Variants in MYO16 observed in about 807,000 individuals in gnomAD.
The protein encoded by MYO16 is myosin XVI.
A neutral mutation model predicts 205.3 loss-of-function variants in MYO16; 94 were observed. The observed-to-expected ratio is 0.46, with a 90% CI of 0.39 to 0.54. The LOEUF is 0.54. Ranked by LOEUF, MYO16 falls within the 20% of genes least tolerant of loss-of-function variation. MYO16 has a pLI of 0.00. For synonymous variants in MYO16, 988 were observed against 954.0 expected (o/e 1.04, Z -0.66); for missense variants, 2,315 against 2,387.5 (o/e 0.97, Z 0.63).
chr13:108,780,960 C>T (rs569561737), intron 4 of MYO16, among the ~76,000 whole-genome samples: 5 of 152,318 alleles, frequency 3.3e-5, no homozygotes, highest in South Asian at 2.1e-4. Flanking sequence ...TTCAGCCCCA[C>T]GCTTCAGGTG....
At position 108,952,729 on chromosome 13, in the gene MYO16, C is replaced by A. The variant is rs187643681; in HGVS notation, c.1926-4959C>A. Among the ~76,000 whole-genome samples the A allele has an allele frequency of 1.4e-3, 208 of 152,326 alleles. 1 individual carries two copies. Among genetic ancestry groups the A allele is most frequent in the African/African-American group, 4.8e-3 (200 of 41,572 alleles). On this transcript the variant is annotated intron_variant, in intron 16 of 34. Coordinates refer to ENST00000457511, the MANE Select transcript of MYO16 (RefSeq NM_001198950.3). ...ACAGCAATTACTCTTCACAAATGCTCTCTGAAATTTCTGACTCTGCACATG... is the reference window on the plus strand; with the variant it reads ...ACAGCAATTACTCTTCACAAATGCTATCTGAAATTTCTGACTCTGCACATG...
chr13:108,879,510 C>T (rs1454161515), intron 12 of MYO16, among the ~76,000 whole-genome samples: 1 of 152,134 alleles, frequency 6.6e-6, no homozygotes, highest in Non-Finnish European at 1.5e-5. Flanking sequence ...TATCCCTCCC[C>T]ACTCCCCCAA....
chr13:109,204,341 T>C (rs558174347), intron 34 of MYO16, among the ~76,000 whole-genome samples: 1 of 152,330 alleles, frequency 6.6e-6, no homozygotes, highest in South Asian at 2.1e-4. Flanking sequence ...TCTGGTGACA[T>C]TGTTTTCAGA....
At chr13:108,805,689 G>A (rs1887091130) in intron 6 of MYO16, among the ~76,000 whole-genome samples, 1 of 151,774 alleles carries the variant, frequency 6.6e-6, no homozygotes, top group African/African-American at 2.4e-5. Context: ...TTAGAAACAG[G>A]AATTCCCTCA....
chr13:108,500,657 T>C, the MYO16 span, among the ~76,000 whole-genome samples: 2 of 152,198 alleles, frequency 1.3e-5, no homozygotes, highest in African/African-American at 4.8e-5. Context: ...ATGAGTCTTC[T>C]TTATTCTGAC....
At chr13:108,980,749 T>A (rs185550421) in intron 20 of MYO16, among the ~76,000 whole-genome samples, 67 of 152,328 alleles carry the variant, frequency 4.4e-4, no homozygotes, top group African/African-American at 1.3e-3. Flanking sequence ...AAGCCTGGCA[T>A]CTTTATGTGT....
At chr13:108,697,638 T>C (rs953451194) in intron 2 of MYO16, among the ~76,000 whole-genome samples, 1 of 152,240 alleles carries the variant, frequency 6.6e-6, no homozygotes, top group Non-Finnish European at 1.5e-5. Flanking sequence ...TCAATTTGTA[T>C]GATTTTACTT....
intron 34 of MYO16, among the ~76,000 whole-genome samples, chr13:109,202,006 A>G (rs1350644625): frequency 6.6e-6 from 1 of 151,976 alleles, no homozygotes; most frequent in African/African-American, 2.4e-5. Flanking sequence ...TCTATACATC[A>G]TACATATCAT....
intron 5 of MYO16, among the ~76,000 whole-genome samples, chr13:108,786,619 T>A (rs1019863): frequency 0.32 from 48,808 of 152,110 alleles, 8,124 homozygotes; most frequent in African/African-American, 0.39. Context: ...AGATTGCTTT[T>A]ATGAAAAAGG....
intron 1 of MYO16, among the ~76,000 whole-genome samples, chr13:108,645,337 T>C (rs183647016): frequency 6.6e-6 from 1 of 152,344 alleles, no homozygotes; most frequent in Admixed American, 6.5e-5. Context: ...AATGAAGTCA[T>C]GTTTCAGCAG....
chr13:108,983,427 T>A (rs899390235), intron 20 of MYO16, among the ~76,000 whole-genome samples: 30 of 152,156 alleles, frequency 2.0e-4, no homozygotes, highest in African/African-American at 7.0e-4. Flanking sequence ...GTGCCTGTTG[T>A]CCAAAAAAGA....
At chr13:108,741,681 G>A (rs961754716) in intron 4 of MYO16, among the ~76,000 whole-genome samples, 11 of 152,160 alleles carry the variant, frequency 7.2e-5, no homozygotes, top group African/African-American at 2.7e-4. Context: ...TACCAAGTAA[G>A]TAAATCTGCA....
rs139793129 is a variant in MYO16, at chr13:108,685,426, G to A, written c.292+19277G>A. Among the ~76,000 whole-genome samples, 139 of 152,250 alleles carry A rather than the reference G, an allele frequency of 9.1e-4. No homozygotes were observed. The Middle Eastern group carries it at 0.014, about 15-fold the overall frequency. ...GTCTTGTGGGACTGAGCCCTTACCTGTGTATTTACCTGTGTTAAATTGAAT... is the reference window on the plus strand; with the variant it reads ...GTCTTGTGGGACTGAGCCCTTACCTATGTATTTACCTGTGTTAAATTGAAT... On this transcript the variant is annotated intron_variant, in intron 2 of 34. Coordinates refer to ENST00000457511, the MANE Select transcript of MYO16 (RefSeq NM_001198950.3).
chr13:109,141,229 G>A lies in MYO16; in HGVS notation c.5017G>A (p.Gly1673Ser). ...KATRADARKAGSSASPPAPYS... is the reference protein window; with the variant it reads ...KATRADARKASSSASPPAPYS... ...CACCAGGGCGGACGCCAGGAAGGCC[G>A]GCTCCAGTGCCTCGCCCCCCGCGCC... Residue 1673 changes from glycine (G) to serine (S), a missense_variant, in exon 32 of 35, where the codon GGC becomes AGC. Around this residue, in one of 3 missense-constraint regions of MYO16, gnomAD observed 1,097 missense variants for 1,092.0 expected, o/e 1.00. Coordinates refer to ENST00000457511, the MANE Select transcript of MYO16 (RefSeq NM_001198950.3). The surrounding 1 kb of genome is among the most constrained non-coding windows in gnomAD (Gnocchi z 4.1). 2 of 1,605,652 alleles carry A rather than the reference G, an allele frequency of 1.2e-6. No homozygotes were observed. The highest frequency in any genetic ancestry group is 1.1e-5 in the South Asian group (1 of 90,670).
chr13:108,998,064 T>C (rs1885093899), intron 21 of MYO16, among the ~76,000 whole-genome samples: 1 of 152,194 alleles, frequency 6.6e-6, no homozygotes, highest in African/African-American at 2.4e-5. Flanking sequence ...TGAAATGATA[T>C]GATATAATTT....
chr13:108,631,851 G>A (rs1594159024), intron 1 of MYO16, among the ~76,000 whole-genome samples: 1 of 152,276 alleles, frequency 6.6e-6, no homozygotes, highest in African/African-American at 2.4e-5. Context: ...GCCAAAGCAG[G>A]CGGATCACCT....
At chr13:108,856,633 G>A (rs1948965737) in intron 11 of MYO16, among the ~76,000 whole-genome samples, 1 of 139,222 alleles carries the variant, frequency 7.2e-6, no homozygotes, top group Admixed American at 7.3e-5. Flanking sequence ...TCCCAGTATT[G>A]TGTTGATTTT....
At chr13:108,954,935 A>G (rs535495067) in intron 16 of MYO16, among the ~76,000 whole-genome samples, 2 of 152,254 alleles carry the variant, frequency 1.3e-5, no homozygotes, top group African/African-American at 4.8e-5. Context: ...ACACCACCCC[A>G]GGAGCTGGTC....
chr13:108,944,461 C>G (rs1345884297), intron 16 of MYO16, among the ~76,000 whole-genome samples: 2 of 152,122 alleles, frequency 1.3e-5, no homozygotes, highest in African/African-American at 2.4e-5. Flanking sequence ...ATTTCCACCC[C>G]CCACTTAAAG....
Sources: gnomAD v4.1 joint callset for allele counts (sites outside exome capture counted in the v4.1 genomes callset) on GRCh38, gnomAD v4.1.1 for gene constraint, gnomAD v4.1.1 regional missense constraint, Gnocchi (gnomAD v3.1) non-coding constraint, MANE v1.5 for transcripts, NCBI Gene and HGNC (gene_info 2026-07-23, HGNC 2026-07-21) for gene names.